SLC14A2: variants seen among roughly 807,000 people sequenced by gnomAD.
The protein encoded by SLC14A2 is urea transporter 2.
In SLC14A2, 91 loss-of-function variants were observed where a neutral mutation model predicts 104.6. The observed-to-expected ratio is 0.87, with a 90% CI of 0.73 to 1.04. The LOEUF is 1.04. Ranked by LOEUF, SLC14A2 falls within the 50% of genes least tolerant of loss-of-function variation. SLC14A2 has a pLI of 0.00. For missense variants in SLC14A2, 1,189 were observed against 1,156.0 expected (o/e 1.03, Z -0.41); for synonymous variants, 476 against 466.4 (o/e 1.02, Z -0.27).
chr18:45,246,424 A>G (rs1271208756), intron 1 of SLC14A2, among the ~76,000 whole-genome samples: 1 of 152,160 alleles, frequency 6.6e-6, no homozygotes, highest in Non-Finnish European at 1.5e-5. Flanking sequence ...GTAATAAAAA[A>G]CTTACAATAT....
At chr18:45,662,982 A>T (rs1009700535) in intron 10 of SLC14A2, among the ~76,000 whole-genome samples, 1 of 152,222 alleles carries the variant, frequency 6.6e-6, no homozygotes, top group African/African-American at 2.4e-5. Context: ...ACCCTATCCC[A>T]AGTGATAAGA....
chr18:45,183,409 A>T, the SLC14A2 span, among the ~76,000 whole-genome samples: 3 of 152,236 alleles, frequency 2.0e-5, no homozygotes, highest in East Asian at 3.9e-4. Flanking sequence ...TTGAAGTGGG[A>T]TGGATCAGCA....
At chr18:45,316,694 C>A (rs943240120) in intron 1 of SLC14A2, among the ~76,000 whole-genome samples, 6 of 152,156 alleles carry the variant, frequency 3.9e-5, no homozygotes, top group Admixed American at 1.3e-4. Context: ...GGTGCTCTGG[C>A]CTTTGCAGTC....
At chr18:45,673,878 T>G in intron 18 of SLC14A2, 61 bp downstream of exon 18, 1 of 1,517,616 alleles carries the variant, frequency 6.6e-7, no homozygotes, top group Non-Finnish European at 9.1e-7. Context: ...TAAAACTGTT[T>G]TTTTATGTTT....
intron 1 of SLC14A2, among the ~76,000 whole-genome samples, chr18:45,428,333 C>T (rs2086464567): frequency 6.6e-6 from 1 of 152,228 alleles, no homozygotes; most frequent in Admixed American, 6.5e-5. Context: ...CATGGTGTCA[C>T]TTCTTCAAAT....
the SLC14A2 span, among the ~76,000 whole-genome samples, chr18:45,182,309 C>T: frequency 6.6e-6 from 1 of 151,694 alleles, no homozygotes; most frequent in Admixed American, 6.6e-5. Context: ...AGACACAGTA[C>T]TTTTAAAGTA....
At chr18:45,415,770 A>G (rs2086270252) in intron 1 of SLC14A2, among the ~76,000 whole-genome samples, 1 of 152,168 alleles carries the variant, frequency 6.6e-6, no homozygotes, top group Non-Finnish European at 1.5e-5. Context: ...GAGAGACCAT[A>G]TCACAGCGAT....
intron 1 of SLC14A2, among the ~76,000 whole-genome samples, chr18:45,453,092 C>T (rs1364775276): frequency 6.6e-6 from 1 of 152,176 alleles, no homozygotes; most frequent in Non-Finnish European, 1.5e-5. Flanking sequence ...AAACCAGGAC[C>T]TAGATCTCCT....
chr18:45,680,254 A>G (rs2046292303), intron 19 of SLC14A2, among the ~76,000 whole-genome samples: 1 of 152,206 alleles, frequency 6.6e-6, no homozygotes, highest in Non-Finnish European at 1.5e-5. Flanking sequence ...AAGTCACTGA[A>G]AGAAATGCAA....
chr18:45,582,563 T>C (rs531523465), intron 2 of SLC14A2, among the ~76,000 whole-genome samples: 10 of 152,152 alleles, frequency 6.6e-5, no homozygotes, highest in Non-Finnish European at 1.5e-4. Flanking sequence ...GAATGTAAAA[T>C]AATCAATAAA....
chr18:45,593,278 C>A (rs1343232497), intron 2 of SLC14A2, among the ~76,000 whole-genome samples: 1 of 150,992 alleles, frequency 6.6e-6, no homozygotes, highest in Non-Finnish European at 1.5e-5. Context: ...GATCGCTCCA[C>A]GGCACCCCAG....
At chr18:45,199,898 T>C in the SLC14A2 span, among the ~76,000 whole-genome samples, 1 of 152,156 alleles carries the variant, frequency 6.6e-6, no homozygotes, top group African/African-American at 2.4e-5. Flanking sequence ...AGAAGCCACC[T>C]TGGGCAGGCA....
rs183264217 is a variant in SLC14A2, at chr18:45,608,447, A to G, written c.-34-16184A>G. 5.3e-5 allele frequency among the ~76,000 whole-genome samples: 8 copies of G among 152,302 alleles called. No individual in the cohort carries two copies. In the South Asian group the frequency reaches 1.5e-3, roughly 28 times the overall value. On this transcript the variant is annotated intron_variant, in intron 2 of 20. Coordinates refer to the SLC14A2 transcript ENST00000586448. Reference sequence around the variant, plus strand: ...TCTGTGCCCAACATGGCTCCGGAGTAAGTAGAAGAGCTGCAATTTGGCTCT... The same window carrying G: ...TCTGTGCCCAACATGGCTCCGGAGTGAGTAGAAGAGCTGCAATTTGGCTCT...
At chr18:45,488,109 G>C (rs932086004) in intron 2 of SLC14A2, among the ~76,000 whole-genome samples, 1 of 152,166 alleles carries the variant, frequency 6.6e-6, no homozygotes, top group African/African-American at 2.4e-5. Context: ...AAGGAAAATA[G>C]TCATGTGTTT....
intron 10 of SLC14A2, among the ~76,000 whole-genome samples, chr18:45,660,220 G>C (rs2045916515): frequency 6.6e-6 from 1 of 152,168 alleles, no homozygotes; most frequent in Non-Finnish European, 1.5e-5. Context: ...AGTTAGTGGG[G>C]AGCCAAGCAA....
At chr18:45,521,027 C>A (rs1010453494) in intron 2 of SLC14A2, among the ~76,000 whole-genome samples, 2 of 152,160 alleles carry the variant, frequency 1.3e-5, no homozygotes, top group Non-Finnish European at 2.9e-5. Flanking sequence ...CTGGCCCAGG[C>A]AAGAGTAGTG....
At chr18:45,596,556 G>T (rs2044720711) in intron 2 of SLC14A2, among the ~76,000 whole-genome samples, 1 of 152,146 alleles carries the variant, frequency 6.6e-6, no homozygotes, top group Non-Finnish European at 1.5e-5. Flanking sequence ...GGTGTCTCTG[G>T]GAGACAAGAG....
the SLC14A2 span, among the ~76,000 whole-genome samples, chr18:45,180,554 G>A: frequency 7.2e-5 from 11 of 152,260 alleles, no homozygotes; most frequent in South Asian, 2.1e-3. Flanking sequence ...TTTGAGACAT[G>A]AGTTAAGAAT....
At chr18:45,570,153 A>G (rs1023269588) in intron 2 of SLC14A2, among the ~76,000 whole-genome samples, 4 of 152,190 alleles carry the variant, frequency 2.6e-5, no homozygotes, top group Non-Finnish European at 5.9e-5. Flanking sequence ...ATCTCTTGAC[A>G]GCAAAGAAGG....
Sources: allele counts gnomAD v4.1 joint callset (sites outside exome capture counted in the v4.1 genomes callset), GRCh38; gene constraint gnomAD v4.1.1; transcripts MANE v1.5; gene names NCBI Gene and HGNC (gene_info 2026-07-23, HGNC 2026-07-21).